Variants in CELF1 observed in about 807,000 individuals in gnomAD.
CELF1 encodes the protein 50 kDa nuclear polyadenylated RNA-binding protein.
Under a neutral mutation model 61.8 loss-of-function variants are expected in CELF1, and 10 were observed. The observed-to-expected ratio is 0.16, with a 90% confidence interval of 0.10 to 0.27. CELF1 has a LOEUF of 0.27. Ranked by LOEUF, CELF1 falls within the 10% of genes least tolerant of loss-of-function variation. The pLI is 1.00. For missense variants in CELF1, 380 were observed against 639.1 expected (o/e 0.59, Z 4.37); for synonymous variants, 236 against 225.1 (o/e 1.05, Z -0.43).
chr11:47,541,717 A>C (rs1253163312), intron 1 of CELF1, among the ~76,000 whole-genome samples: 1 of 21,486 alleles, frequency 4.7e-5, no homozygotes, highest in African/African-American at 2.1e-4. Context: ...AAAGAAAGAA[A>C]GAAAGAAAGA....
At chr11:47,525,011 C>T (rs1305070970) in intron 1 of CELF1, among the ~76,000 whole-genome samples, 1 of 152,100 alleles carries the variant, frequency 6.6e-6, no homozygotes, top group African/African-American at 2.4e-5. Context: ...CATTTGAAAA[C>T]CTTTACTAGG....
chr11:47,504,570 C>A (rs773354259), intron 1 of CELF1, among the ~76,000 whole-genome samples: 6 of 151,598 alleles, frequency 4.0e-5, no homozygotes, highest in African/African-American at 1.5e-4. Flanking sequence ...CAGCGTGAGA[C>A]CCTGCCTTAC....
upstream of CELF1, among the ~76,000 whole-genome samples, chr11:47,554,145 G>GCTTC (rs1234296290): frequency 1.3e-5 from 2 of 152,026 alleles, no homozygotes; most frequent in Non-Finnish European, 1.5e-5. Context: ...CAACAAGTGG[G>GCTTC]CTTCCAAGCA....
chr11:47,477,505 C>A (rs1352552959), intron 10 of CELF1, 80 bp from the exon 11 acceptor site: 7 of 1,469,070 alleles, frequency 4.8e-6, no homozygotes, highest in Non-Finnish European at 5.6e-6. Context: ...CACACACTGG[C>A]AGAGGGCTGG....
At chr11:47,556,025 T>C (rs1332941378), upstream of CELF1, among the ~76,000 whole-genome samples, 1 of 142,278 alleles carries the variant, frequency 7.0e-6, no homozygotes, top group East Asian at 2.1e-4. Context: ...AAAAAGCCAG[T>C]GTTAGTAAGA....
intron 3 of CELF1, among the ~76,000 whole-genome samples, chr11:47,489,944 T>TTTTTTTTTTTTTTTTC (rs1164447671): frequency 8.5e-6 from 1 of 117,274 alleles, no homozygotes; most frequent in East Asian, 2.4e-4. Flanking sequence ...TGTTTTTTTT[T>TTTTTTTTTTTTTTTTC]TTTTTTTTTT....
At chr11:47,504,750 A>T (rs1348762812) in intron 1 of CELF1, among the ~76,000 whole-genome samples, 1 of 150,596 alleles carries the variant, frequency 6.6e-6, no homozygotes, top group Non-Finnish European at 1.5e-5. Flanking sequence ...AAAAATACAA[A>T]AATTAGCCGG....
At chr11:47,493,804 G>A (rs1199249346) in intron 3 of CELF1, among the ~76,000 whole-genome samples, 2 of 152,116 alleles carry the variant, frequency 1.3e-5, no homozygotes, top group African/African-American at 4.8e-5. Context: ...ATGTATACCC[G>A]TGTGTATGTA....
chr11:47,500,046 C>CACAG (rs2093703819), intron 2 of CELF1, among the ~76,000 whole-genome samples: 1 of 152,180 alleles, frequency 6.6e-6, no homozygotes, highest in Non-Finnish European at 1.5e-5. Flanking sequence ...CAGCAATGAG[C>CACAG]ACAGTGCTTA....
At chr11:47,475,637 C>T (rs2079677760) in intron 12 of CELF1, 116 bp from the exon 13 acceptor site, 1 of 948,652 alleles carries the variant, frequency 1.1e-6, no homozygotes, top group Non-Finnish European at 1.6e-6. Flanking sequence ...CTTTATCTCC[C>T]TCTTAGTTTC....
At chr11:47,507,277 T>C (rs1406929605) in intron 1 of CELF1, among the ~76,000 whole-genome samples, 1 of 152,226 alleles carries the variant, frequency 6.6e-6, no homozygotes, top group Non-Finnish European at 1.5e-5. Flanking sequence ...TAAGAAAAGC[T>C]AATGGCTGTA....
chr11:47,548,326 G>T (rs917062298), intron 1 of CELF1, among the ~76,000 whole-genome samples: 2 of 152,028 alleles, frequency 1.3e-5, no homozygotes, highest in African/African-American at 4.8e-5. Flanking sequence ...CAACCTAAAT[G>T]TAAGACCTAA....
At chr11:47,540,554 C>T (rs2096747274) in intron 1 of CELF1, among the ~76,000 whole-genome samples, 1 of 152,140 alleles carries the variant, frequency 6.6e-6, no homozygotes, top group Non-Finnish European at 1.5e-5. Flanking sequence ...TTTCACTCCT[C>T]GGCCCCCACG....
Position 47,553,092 on chromosome 11 carries a change from C to T in CELF1, c.-254G>A. On this transcript the variant is annotated 5_prime_UTR_variant, in exon 1 of 15. Coordinates refer to ENST00000687097, the MANE Select transcript of CELF1 (RefSeq NM_001376376.1). Reference sequence around the variant, plus strand: ...TGAGGCCGAATCCCGGGGGAGCCTCCGCGTCCCGCCGCCGCTGCCGCTGCC... The same window carrying T: ...TGAGGCCGAATCCCGGGGGAGCCTCTGCGTCCCGCCGCCGCTGCCGCTGCC... 2.5e-6 allele frequency: 1 copy of T among 399,080 alleles called. No homozygotes were observed. Among genetic ancestry groups the T allele is most frequent in the Non-Finnish European group, 4.4e-6 (1 of 226,530 alleles). The allele number at this position is 399,080 out of a possible 1,614,324, so 24.7% of individuals were successfully genotyped here. A position where few individuals can be genotyped will look rare whatever the true frequency, so the allele number is the denominator to read the frequency against.
intron 1 of CELF1, among the ~76,000 whole-genome samples, chr11:47,550,522 G>T (rs1021962346): frequency 2.6e-5 from 4 of 152,078 alleles, no homozygotes; most frequent in Non-Finnish European, 5.9e-5. Flanking sequence ...GCGGGGTTGG[G>T]GGGGACCGGA....
intron 2 of CELF1, among the ~76,000 whole-genome samples, chr11:47,559,571 A>G (rs1480886140): frequency 1.3e-5 from 2 of 152,086 alleles, no homozygotes; most frequent in African/African-American, 4.8e-5. Flanking sequence ...GCTGATCTTA[A>G]ACTCCTGGGC....
chr11:47,558,110 G>A (rs2097211324), upstream of CELF1, among the ~76,000 whole-genome samples: 1 of 152,088 alleles, frequency 6.6e-6, no homozygotes, highest in African/African-American at 2.4e-5. Context: ...GCCCGCCTCA[G>A]CCTCCGAAAG....
At position 47,553,036 on chromosome 11, in the gene CELF1, G is replaced by A; in HGVS notation, c.-198C>T. ...TGCCGCTGCCTCAGTTGCTGCCTGC[G>A]CCTCCGCAGCCGCCGCCGCCGCCTC... On this transcript the variant is annotated 5_prime_UTR_variant, in exon 1 of 15. Coordinates refer to ENST00000687097, the MANE Select transcript of CELF1 (RefSeq NM_001376376.1). 2.5e-6 allele frequency: 1 copy of A among 400,432 alleles called. No individual in the cohort carries two copies. Among genetic ancestry groups the A allele is most frequent in the Non-Finnish European group, 4.4e-6 (1 of 227,638 alleles). 24.8% of individuals were successfully genotyped at this position (400,432 alleles called of 1,614,324 possible).
intron 1 of CELF1, among the ~76,000 whole-genome samples, chr11:47,551,615 T>A (rs932905079): frequency 6.6e-6 from 1 of 152,172 alleles, no homozygotes; most frequent in African/African-American, 2.4e-5. Flanking sequence ...GGCTGAAACT[T>A]CCAAAGCGCT....
Sources: allele counts gnomAD v4.1 joint callset (sites outside exome capture counted in the v4.1 genomes callset), GRCh38; gene constraint gnomAD v4.1.1; transcripts MANE v1.5; gene names NCBI Gene and HGNC (gene_info 2026-07-23, HGNC 2026-07-21).